Variants in MCC observed in about 807,000 individuals in gnomAD.
MCC encodes the protein MCC regulator of Wnt signaling pathway, also known as colorectal mutant cancer protein.
MCC carries 90 observed loss-of-function variants against 116.2 expected under a neutral mutation model. The ratio of observed to expected loss-of-function variants is 0.77; its 90% CI spans 0.65 to 0.92. The LOEUF is 0.92. Ranked by LOEUF, MCC falls within the 40% of genes least tolerant of loss-of-function variation. The pLI is 0.00. For synonymous variants in MCC, 578 were observed against 510.5 expected (o/e 1.13, Z -1.78); for missense variants, 1,516 against 1,312.2 (o/e 1.16, Z -2.40).
chr5:113,378,842 C>T (rs1561544224), intron 2 of MCC, among the ~76,000 whole-genome samples: 1 of 152,168 alleles, frequency 6.6e-6, no homozygotes, highest in Non-Finnish European at 1.5e-5. Flanking sequence ...ACAAAGGCTC[C>T]GTTGGAATTG....
At chr5:113,452,573 G>C (rs1771430810) in intron 1 of MCC, among the ~76,000 whole-genome samples, 1 of 152,130 alleles carries the variant, frequency 6.6e-6, no homozygotes, top group South Asian at 2.1e-4. Context: ...CTTGATCATG[G>C]GCTTCTTGGC....
Position 113,434,800 on chromosome 5 carries a change from G to A in MCC, c.171-49588C>T, listed in dbSNP as rs763148295. 1.2e-6 allele frequency: 2 copies of A among 1,612,746 alleles called. No homozygotes were observed. The highest frequency in any genetic ancestry group is 1.7e-6 in the Non-Finnish European group (2 of 1,178,832). On this transcript the variant is annotated intron_variant, in intron 1 of 18. Coordinates refer to ENST00000408903, the MANE Select transcript of MCC (RefSeq NM_001085377.2). This position sits in a 1 kb window ranked among gnomAD's most constrained non-coding sequence, Gnocchi z 4.2. ...GAGCCCTCTCCTAAATTTATCCCCA[G>A]GAGGTAGCCTCGTCGCTTGAGGACA... is the stretch of plus-strand genomic sequence containing the variant.
At chr5:113,102,814 T>C (rs902152249) in intron 7 of MCC, among the ~76,000 whole-genome samples, 1 of 151,192 alleles carries the variant, frequency 6.6e-6, no homozygotes, top group African/African-American at 2.5e-5. Flanking sequence ...AGTGAAGAGA[T>C]GGAATAAGAA....
intron 11 of MCC, among the ~76,000 whole-genome samples, chr5:113,079,878 G>A (rs186834882): frequency 1.1e-3 from 169 of 152,306 alleles, no homozygotes; most frequent in African/African-American, 3.9e-3. Context: ...GCAACCTACA[G>A]AATGGGAGAA....
intron 4 of MCC, among the ~76,000 whole-genome samples, chr5:113,147,072 C>T (rs778537693): frequency 6.6e-6 from 1 of 152,234 alleles, no homozygotes; most frequent in Non-Finnish European, 1.5e-5. Flanking sequence ...CAAATTTCAT[C>T]TGGTGCTAAA....
chr5:113,475,106 C>T lies in MCC; in HGVS notation c.170+13139G>A, dbSNP rs190808138. Among the ~76,000 whole-genome samples, 7 of 152,294 alleles carry T rather than the reference C, an allele frequency of 4.6e-5. No homozygotes were observed. In the South Asian group the frequency reaches 1.2e-3, roughly 27 times the overall value. On this transcript the variant is annotated intron_variant, in intron 1 of 18. Transcript: ENST00000408903. Reference sequence around the variant, plus strand: ...CCTTCATTTATACTACAAATTTGGACCTGTGGATGTTTTAAATAATAGACA... The same window carrying T: ...CCTTCATTTATACTACAAATTTGGATCTGTGGATGTTTTAAATAATAGACA...
At chr5:113,029,980 TG>T (rs770221677) in intron 17 of MCC, among the ~76,000 whole-genome samples, 7 of 152,230 alleles carry the variant, frequency 4.6e-5, no homozygotes, top group Non-Finnish European at 7.3e-5. Flanking sequence ...GCACCGTGCC[TG>T]GGTGACAGCT....
chr5:113,267,464 GAAGTA>G (rs1765464233), intron 3 of MCC, among the ~76,000 whole-genome samples: 1 of 152,110 alleles, frequency 6.6e-6, no homozygotes, highest in Admixed American at 6.5e-5. Context: ...GTAACTCTGG[GAAGTA>G]AAGAGGGCAG....
chr5:113,408,854 G>A (rs1024129806), intron 1 of MCC, among the ~76,000 whole-genome samples: 5 of 152,146 alleles, frequency 3.3e-5, no homozygotes, highest in Admixed American at 3.3e-4. Context: ...CATGTACCAG[G>A]CTTCAGGGCA....
intron 16 of MCC, among the ~76,000 whole-genome samples, chr5:113,045,715 C>T (rs1752024681): frequency 6.6e-6 from 1 of 150,950 alleles, no homozygotes; most frequent in Non-Finnish European, 1.5e-5. Context: ...AGGAGAATCA[C>T]TTGAACCTGG....
chr5:113,111,082 T>C, intron 6 of MCC, among the ~76,000 whole-genome samples: 1 of 152,196 alleles, frequency 6.6e-6, no homozygotes, highest in East Asian at 1.9e-4. Flanking sequence ...AAGAGCTCAA[T>C]AATACACAGC....
intron 3 of MCC, among the ~76,000 whole-genome samples, chr5:113,151,679 A>T (rs1759886375): frequency 6.6e-6 from 1 of 152,196 alleles, no homozygotes. Flanking sequence ...ATCAGGCCAG[A>T]GAACAAAACT....
chr5:113,456,908 G>A (rs1405975988), intron 1 of MCC, among the ~76,000 whole-genome samples: 1 of 152,074 alleles, frequency 6.6e-6, no homozygotes, highest in Non-Finnish European at 1.5e-5. Flanking sequence ...CAGATTTGGG[G>A]TGCCTAACCT....
chr5:113,244,646 G>A (rs1764502215), intron 3 of MCC, among the ~76,000 whole-genome samples: 1 of 152,194 alleles, frequency 6.6e-6, no homozygotes, highest in Non-Finnish European at 1.5e-5. Flanking sequence ...AACAAAATTA[G>A]TGCAAGTCTG....
chr5:113,468,585 A>C (rs1771981883), intron 1 of MCC, among the ~76,000 whole-genome samples: 3 of 152,294 alleles, frequency 2.0e-5, no homozygotes, highest in African/African-American at 7.2e-5. Context: ...TCGGTTTGCC[A>C]GTATTTTATT....
chr5:113,223,373 C>T (rs1561468282), intron 3 of MCC, among the ~76,000 whole-genome samples: 1 of 152,188 alleles, frequency 6.6e-6, no homozygotes, highest in Non-Finnish European at 1.5e-5. Context: ...TCCATGATCC[C>T]TAGAGTTGAA....
chr5:113,440,331 C>A (rs1033427695), intron 1 of MCC, among the ~76,000 whole-genome samples: 2 of 152,088 alleles, frequency 1.3e-5, no homozygotes, highest in African/African-American at 4.8e-5. Context: ...CTGGATCCTG[C>A]TACTGTCTCC....
At chr5:113,141,544 C>T (rs1473781366) in intron 5 of MCC, among the ~76,000 whole-genome samples, 1 of 152,186 alleles carries the variant, frequency 6.6e-6, no homozygotes, top group African/African-American at 2.4e-5. Context: ...GGGGAGATGC[C>T]TAAGCCTCAG....
chr5:113,328,315 C>A (rs79506936), intron 3 of MCC, among the ~76,000 whole-genome samples: 2 of 152,190 alleles, frequency 1.3e-5, no homozygotes, highest in South Asian at 2.1e-4. Flanking sequence ...CGTAGGAACA[C>A]ATTAATTCCT....
Sources: gnomAD v4.1 joint callset for allele counts (sites outside exome capture counted in the v4.1 genomes callset) on GRCh38, gnomAD v4.1.1 for gene constraint, Gnocchi (gnomAD v3.1) non-coding constraint, MANE v1.5 for transcripts, NCBI Gene and HGNC (gene_info 2026-07-23, HGNC 2026-07-21) for gene names.